CAMK2D: variants seen among roughly 807,000 people sequenced by gnomAD.
CAMK2D encodes the protein calcium/calmodulin-dependent protein kinase type II subunit delta.
Under a neutral mutation model 84.0 loss-of-function variants are expected in CAMK2D, and 37 were observed. The observed-to-expected ratio is 0.44, with a 90% CI of 0.34 to 0.58. The LOEUF (loss-of-function observed/expected upper bound fraction) is 0.58. CAMK2D is among the 20% of genes least tolerant of loss of function. The pLI, the probability that CAMK2D is intolerant of heterozygous loss-of-function variation, is 0.02. For missense variants in CAMK2D, 448 were observed against 652.5 expected, an observed-to-expected ratio of 0.69 and a Z score of 3.41; for synonymous variants, 202 against 212.5, an observed-to-expected ratio of 0.95 and a Z score of 0.43.
At chr4:113,602,812 T>C (rs2098958905) in intron 4 of CAMK2D, among the ~76,000 whole-genome samples, 1 of 152,216 alleles carries the variant, frequency 6.6e-6, no homozygotes, top group African/African-American at 2.4e-5. Flanking sequence ...TTTTCCTTAA[T>C]CTTTCTCCTG....
chr4:113,642,220 C>T (rs2099135057), intron 3 of CAMK2D, among the ~76,000 whole-genome samples: 1 of 152,120 alleles, frequency 6.6e-6, no homozygotes, highest in Non-Finnish European at 1.5e-5. Flanking sequence ...ATGTATTTTG[C>T]CAGTTACTGT....
At chr4:113,513,274 G>C in intron 12 of CAMK2D, 54 bp downstream of exon 12, 2 of 1,584,854 alleles carry the variant, frequency 1.3e-6, no homozygotes, top group Admixed American at 3.6e-5. Context: ...AAAAAACAGA[G>C]ACTACTTAAA....
At chr4:113,643,664 G>A (rs1166784459) in intron 3 of CAMK2D, among the ~76,000 whole-genome samples, 2 of 152,198 alleles carry the variant, frequency 1.3e-5, no homozygotes, top group East Asian at 3.8e-4. Flanking sequence ...TATCTCCCAC[G>A]CTTAGCAGCG....
intron 3 of CAMK2D, among the ~76,000 whole-genome samples, chr4:113,654,607 A>G (rs1052689759): frequency 3.9e-5 from 6 of 152,026 alleles, no homozygotes; most frequent in African/African-American, 1.4e-4. Flanking sequence ...TCAAAAGGGA[A>G]CAAAAACATT....
At chr4:113,621,708 T>C (rs1323707664) in intron 3 of CAMK2D, among the ~76,000 whole-genome samples, 4 of 152,214 alleles carry the variant, frequency 2.6e-5, no homozygotes, top group African/African-American at 9.6e-5. Context: ...GATATAACTG[T>C]GAACAAATCA....
intron 16 of CAMK2D, among the ~76,000 whole-genome samples, chr4:113,498,520 G>A (rs1382204690): frequency 6.6e-6 from 1 of 152,164 alleles, no homozygotes; most frequent in African/African-American, 2.4e-5. Flanking sequence ...CTTAAATAAT[G>A]TATTTATTAA....
chr4:113,619,765 G>A (rs1389659735), intron 3 of CAMK2D, among the ~76,000 whole-genome samples: 1 of 152,072 alleles, frequency 6.6e-6, no homozygotes, highest in African/African-American at 2.4e-5. Context: ...TATTATCCAT[G>A]TTGGTATAAA....
intron 3 of CAMK2D, among the ~76,000 whole-genome samples, chr4:113,651,902 A>G (rs1302491390): frequency 6.6e-6 from 1 of 152,186 alleles, no homozygotes; most frequent in Non-Finnish European, 1.5e-5. Context: ...TTAAAATATA[A>G]TTAGTTCTAT....
At chr4:113,534,931 C>T (rs2098479596) in intron 7 of CAMK2D, among the ~76,000 whole-genome samples, 1 of 152,066 alleles carries the variant, frequency 6.6e-6, no homozygotes, top group Non-Finnish European at 1.5e-5. Context: ...AAATTTTTTC[C>T]ACTACACATA....
At chr4:113,542,306 A>C (rs2888717) in intron 6 of CAMK2D, among the ~76,000 whole-genome samples, 15,127 of 152,286 alleles carry the variant, frequency 0.099, 986 homozygotes, top group Admixed American at 0.17. Flanking sequence ...TACACAGATG[A>C]TGTGTTCCTT....
intron 17 of CAMK2D, among the ~76,000 whole-genome samples, chr4:113,464,751 A>G (rs1011486360): frequency 6.6e-6 from 1 of 152,254 alleles, no homozygotes; most frequent in African/African-American, 2.4e-5. Context: ...GTTGAGCTGT[A>G]CTGGCTGAAG....
Position 113,726,437 on chromosome 4 carries a change from G to C in CAMK2D, c.160+32883C>G, listed in dbSNP as rs191743155. Among the ~76,000 whole-genome samples, 7 of 140,766 alleles carry C rather than the reference G, an allele frequency of 5.0e-5. No homozygotes were observed. In the East Asian group the frequency reaches 1.5e-3, roughly 30 times the overall value. The allele number at this position is 140,766 out of a possible 152,430, so 92.3% of individuals were successfully genotyped here. A position where few individuals can be genotyped will look rare whatever the true frequency, so the allele number is the denominator to read the frequency against. On this transcript the variant is annotated intron_variant, in intron 2 of 20. Coordinates refer to ENST00000511664, the MANE Select transcript of CAMK2D (RefSeq NM_001321571.2). Reference sequence around the variant, plus strand: ...ACTCTGTTACTCAGGCTGGGGTGCAGTGGCACAATCATGGCTCACTGCAAG... The same window carrying C: ...ACTCTGTTACTCAGGCTGGGGTGCACTGGCACAATCATGGCTCACTGCAAG...
At chr4:113,668,408 C>G (rs565453254) in intron 2 of CAMK2D, among the ~76,000 whole-genome samples, 19 of 152,260 alleles carry the variant, frequency 1.2e-4, no homozygotes, top group Non-Finnish European at 1.8e-4. Context: ...AAAGCTCCTT[C>G]CATAACATGG....
chr4:113,625,147 T>G (rs1252115544), intron 3 of CAMK2D, among the ~76,000 whole-genome samples: 1 of 152,126 alleles, frequency 6.6e-6, no homozygotes, highest in Non-Finnish European at 1.5e-5. Context: ...CTTTAATTCA[T>G]GGAATGTTGA....
intron 13 of CAMK2D, among the ~76,000 whole-genome samples, chr4:113,506,239 A>C (rs1451058935): frequency 6.6e-6 from 1 of 152,160 alleles, no homozygotes; most frequent in Non-Finnish European, 1.5e-5. Flanking sequence ...ATTGAGAGGA[A>C]GATAGAAAGT....
At chr4:113,747,491 C>T (rs1322104752) in intron 2 of CAMK2D, among the ~76,000 whole-genome samples, 1 of 151,980 alleles carries the variant, frequency 6.6e-6, no homozygotes, top group Non-Finnish European at 1.5e-5. Context: ...GGCATTCAAG[C>T]AGTTAATAAT....
chr4:113,494,513 G>T (rs1030754359), intron 16 of CAMK2D, among the ~76,000 whole-genome samples: 1 of 152,342 alleles, frequency 6.6e-6, no homozygotes, highest in Non-Finnish European at 1.5e-5. Flanking sequence ...ATCTCCAGCT[G>T]CGTGCTGGGA....
chr4:113,659,151 G>A (rs1252598239), intron 3 of CAMK2D, among the ~76,000 whole-genome samples: 1 of 152,126 alleles, frequency 6.6e-6, no homozygotes, highest in Non-Finnish European at 1.5e-5. Flanking sequence ...TAGAGGAAAT[G>A]GAGGAAACTA....
intron 2 of CAMK2D, among the ~76,000 whole-genome samples, chr4:113,671,441 T>C (rs1176453104): frequency 6.6e-6 from 1 of 152,198 alleles, no homozygotes; most frequent in Non-Finnish European, 1.5e-5. Flanking sequence ...GTTTACAGAC[T>C]CATATGTTTT....
Sources: gnomAD v4.1 joint callset for allele counts (sites outside exome capture counted in the v4.1 genomes callset) on GRCh38, gnomAD v4.1.1 for gene constraint, MANE v1.5 for transcripts, NCBI Gene and HGNC (gene_info 2026-07-23, HGNC 2026-07-21) for gene names.